Variants in FAM204A observed in about 807,000 individuals in gnomAD.
FAM204A encodes the protein protein FAM204A.
A neutral mutation model predicts 35.4 loss-of-function variants in FAM204A; 16 were observed. The ratio of observed to expected loss-of-function variants is 0.45; its 90% CI spans 0.31 to 0.69. The LOEUF (loss-of-function observed/expected upper bound fraction) is 0.69. FAM204A is among the 30% of genes least tolerant of loss of function. The pLI, the probability that FAM204A is intolerant of heterozygous loss-of-function variation, is 0.07. For missense variants in FAM204A, 240 were observed against 265.7 expected (o/e 0.90, Z 0.67); for synonymous variants, 76 against 86.9 (o/e 0.88, Z 0.70).
intron 7 of FAM204A, among the ~76,000 whole-genome samples, chr10:118,318,198 A>C (rs1241344273): frequency 6.6e-6 from 1 of 152,070 alleles, no homozygotes; most frequent in Non-Finnish European, 1.5e-5. Context: ...ATAATAAACA[A>C]GCAAACAAAA....
chr10:118,315,300 TTATAAAGTTTGCTGA>T (rs1209140863), intron 7 of FAM204A, among the ~76,000 whole-genome samples: 2 of 152,230 alleles, frequency 1.3e-5, no homozygotes, highest in Non-Finnish European at 1.5e-5. Flanking sequence ...AATCTTGTCA[TTATAAAGTTTGCTGA>T]TAATCATTTG....
rs1047161668 is a variant in FAM204A, at chr10:118,300,871, A to C, written c.*9986T>G. 6.6e-6 allele frequency: 1 copy of C among 152,266 alleles called. No individual in the cohort carries two copies. The highest frequency in any genetic ancestry group is 1.5e-5 in the Non-Finnish European group (1 of 68,064). 9.4% of individuals were successfully genotyped at this position (152,266 alleles called of 1,614,324 possible). A position where few individuals can be genotyped will look rare whatever the true frequency, so the allele number is the denominator to read the frequency against. ...AGCACAAATGCAATACAGCAACATC[A>C]GTAATGGTAACTGAGTGCTTACTGC... On this transcript the variant is annotated 3_prime_UTR_variant, in exon 9 of 9. Transcript: ENST00000369183.
intron 8 of FAM204A, 86 bp from the exon 9 acceptor site, chr10:118,310,994 A>G: frequency 7.4e-7 from 1 of 1,345,418 alleles, no homozygotes; most frequent in Non-Finnish European, 1.0e-6. Flanking sequence ...ACCAAAGCAA[A>G]ACAAACAAAA....
At chr10:118,319,905 C>T (rs1370975712) in intron 7 of FAM204A, among the ~76,000 whole-genome samples, 1 of 151,890 alleles carries the variant, frequency 6.6e-6, no homozygotes, top group Non-Finnish European at 1.5e-5. Context: ...CATCCTGTTT[C>T]AGCTACTTAC....
At chr10:118,314,034 G>A (rs1845993041) in intron 7 of FAM204A, among the ~76,000 whole-genome samples, 1 of 152,134 alleles carries the variant, frequency 6.6e-6, no homozygotes, top group South Asian at 2.1e-4. Flanking sequence ...CAATGCTAAG[G>A]CCAAATCCAG....
intron 7 of FAM204A, among the ~76,000 whole-genome samples, chr10:118,314,334 T>C (rs1192467643): frequency 1.3e-5 from 2 of 152,246 alleles, no homozygotes; most frequent in African/African-American, 4.8e-5. Flanking sequence ...ATGTATTTTC[T>C]ACAGAAAGAA....
At chr10:118,325,285 G>T (rs1376076462) in intron 7 of FAM204A, among the ~76,000 whole-genome samples, 2 of 152,086 alleles carry the variant, frequency 1.3e-5, no homozygotes, top group African/African-American at 4.8e-5. Context: ...AGAAGAATTT[G>T]CTGAAATCAC....
intron 7 of FAM204A, among the ~76,000 whole-genome samples, chr10:118,316,488 C>A (rs1846032707): frequency 6.6e-6 from 1 of 152,138 alleles, no homozygotes; most frequent in Non-Finnish European, 1.5e-5. Flanking sequence ...AAATCATTTT[C>A]TGTCCTAAGA....
intron 6 of FAM204A, among the ~76,000 whole-genome samples, chr10:118,332,139 TC>T (rs2133287692): frequency 9.3e-6 from 1 of 107,016 alleles, no homozygotes; most frequent in African/African-American, 3.5e-5. Context: ...ACCACTGCAT[TC>T]CAGCCTGGGC....
chr10:118,310,983 G>A, intron 8 of FAM204A, 75 bp from the exon 9 acceptor site: 4 of 1,430,488 alleles, frequency 2.8e-6, no homozygotes, highest in Non-Finnish European at 3.8e-6. Context: ...TTTACTTAGA[G>A]ACCAAAGCAA....
intron 7 of FAM204A, among the ~76,000 whole-genome samples, chr10:118,324,115 A>G (rs541457344): frequency 6.6e-6 from 1 of 152,274 alleles, no homozygotes; most frequent in Non-Finnish European, 1.5e-5. Flanking sequence ...TTTCTATTCC[A>G]AAATAGATTA....
At chr10:118,336,033 G>C in intron 3 of FAM204A, 149 bp downstream of exon 3, 1 of 827,734 alleles carries the variant, frequency 1.2e-6, no homozygotes, top group Non-Finnish European at 1.8e-6. Flanking sequence ...CTAAGTGGCC[G>C]ATGCCTCAGA....
At position 118,306,104 on chromosome 10, in the gene FAM204A, A is replaced by C. The variant is rs1259694739; in HGVS notation, c.*4753T>G. The C allele has an allele frequency of 6.6e-6, 1 of 152,234 alleles. No homozygotes were observed. Among genetic ancestry groups the C allele is most frequent in the African/African-American group, 2.4e-5 (1 of 41,444 alleles). The allele number at this position is 152,234 out of a possible 1,614,324, so 9.4% of individuals were successfully genotyped here. A position where few individuals can be genotyped will look rare whatever the true frequency, so the allele number is the denominator to read the frequency against. On this transcript the variant is annotated 3_prime_UTR_variant, in exon 9 of 9. Coordinates refer to ENST00000369183, the MANE Select transcript of FAM204A (RefSeq NM_022063.3). The stretch of plus-strand genomic sequence containing the variant: ...GTTCCTAAGGCTTTAAATTCAATGA[A>C]CAAGTAAAAACTGGACAGACACACC...
intron 7 of FAM204A, 29 bp downstream of exon 7, chr10:118,326,125 A>T: frequency 6.4e-7 from 1 of 1,555,468 alleles, no homozygotes; most frequent in Non-Finnish European, 8.8e-7. Context: ...ATTTGAAAAT[A>T]CAGAAAATGT....
At position 118,335,157 on chromosome 10, in the gene FAM204A, T is replaced by A; in HGVS notation, c.410A>T (p.Asn137Ile). 6.2e-7 allele frequency: 1 copy of A among 1,613,576 alleles called. No individual in the cohort carries two copies. The highest frequency in any genetic ancestry group is 8.5e-7 in the Non-Finnish European group (1 of 1,179,784). The change falls in exon 6 of 9, where the codon AAT becomes ATT. Residue 137 changes from asparagine (N) to isoleucine (I), a missense_variant. Transcript: ENST00000369183. Reference protein sequence around the residue: ...WKELTQYFGVNDRFDPPVKRK... With the variant: ...WKELTQYFGVIDRFDPPVKRK... The stretch of plus-strand genomic sequence containing the variant: ...TTTAACAGGCGGGTCAAATCTATCA[T>A]TGACTCCAAAATACTGAGTAAGCTC...
At chr10:118,335,288 C>A (rs758599927) in intron 5 of FAM204A, 75 bp from the exon 6 acceptor site, 2 of 1,550,130 alleles carry the variant, frequency 1.3e-6, no homozygotes, top group Non-Finnish European at 1.8e-6. Flanking sequence ...TCGGTTACTA[C>A]AATTATACTA....
chr10:118,312,498 A>G (rs1845968572), intron 7 of FAM204A, among the ~76,000 whole-genome samples: 1 of 152,182 alleles, frequency 6.6e-6, no homozygotes, highest in South Asian at 2.1e-4. Context: ...CTTGGAGAAC[A>G]GTTTCCTTTA....
Position 118,336,277 on chromosome 10 carries a change from T to G in FAM204A, c.139A>C (p.Ile47Leu). The G allele has an allele frequency of 6.2e-7, 1 of 1,613,946 alleles. No homozygotes were observed. The highest frequency in any genetic ancestry group is 8.5e-7 in the Non-Finnish European group (1 of 1,179,818). Residue 47 changes from isoleucine (I) to leucine (L), a missense_variant, in exon 3 of 9, where the codon ATA (isoleucine) becomes CTA (leucine). Ile to Leu is a conservative substitution (Grantham distance 5, BLOSUM62 2). Coordinates refer to ENST00000369183, the MANE Select transcript of FAM204A (RefSeq NM_022063.3). ...EDESIRKTEI[I>L]DFSTDEPKTE... The stretch of plus-strand genomic sequence containing the variant: ...TTTGGTTCATCTGTTGAGAAATCTA[T>G]GATTTCTGTTTTTCTGATGCTCTCA...
intron 7 of FAM204A, chr10:118,311,523 A>G: frequency 2.2e-6 from 1 of 450,974 alleles, no homozygotes; most frequent in South Asian, 4.3e-5. Flanking sequence ...CCCTAGTTAT[A>G]CCAGTCTCCT....
Sources: gnomAD v4.1 joint callset for allele counts (sites outside exome capture counted in the v4.1 genomes callset) on GRCh38, gnomAD v4.1.1 for gene constraint, MANE v1.5 for transcripts, NCBI Gene and HGNC (gene_info 2026-07-23, HGNC 2026-07-21) for gene names.